CES5A: variants seen among roughly 807,000 people sequenced by gnomAD.
CES5A encodes the protein carboxylesterase 5.
Under a neutral mutation model 62.9 loss-of-function variants are expected in CES5A, and 67 were observed. The observed-to-expected ratio is 1.07, with a 90% CI of 0.88 to 1.31. The LOEUF is 1.31. Ranked by LOEUF, CES5A falls within the 50% of genes most tolerant of loss-of-function variation. The pLI, the probability that CES5A is intolerant of heterozygous loss-of-function variation, is 0.00. For synonymous variants in CES5A, 296 were observed against 280.8 expected (o/e 1.05, Z -0.54); for missense variants, 748 against 708.5 (o/e 1.06, Z -0.63).
intron 5 of CES5A, among the ~76,000 whole-genome samples, chr16:55,863,819 T>G (rs1289314466): frequency 6.6e-6 from 1 of 151,390 alleles, no homozygotes; most frequent in African/African-American, 2.4e-5. Context: ...TGCACTGGCG[T>G]GATCTCACCT....
At chr16:55,866,245 A>T (rs2033458494) in intron 4 of CES5A, 129 bp from the exon 5 acceptor site, 2 of 768,344 alleles carry the variant, frequency 2.6e-6, no homozygotes, top group East Asian at 5.7e-5. Flanking sequence ...GGCCTGGAGG[A>T]GCTGGGGAAA....
At chr16:55,877,454 A>ATG (rs778731498), upstream of CES5A, among the ~76,000 whole-genome samples, 18 of 113,838 alleles carry the variant, frequency 1.6e-4, 1 homozygote, top group South Asian at 9.3e-4. Flanking sequence ...ATATATATGT[A>ATG]TGTGTGTGTG....
At chr16:55,914,075 T>G (rs1411692544) in intron 1 of CES5A, among the ~76,000 whole-genome samples, 2 of 152,216 alleles carry the variant, frequency 1.3e-5, no homozygotes, top group South Asian at 2.1e-4. Flanking sequence ...CAGTTAAATG[T>G]GAATTTCTAG....
intron 1 of CES5A, among the ~76,000 whole-genome samples, chr16:55,889,181 T>G (rs2033847931): frequency 6.6e-6 from 1 of 151,928 alleles, no homozygotes; most frequent in Admixed American, 6.6e-5. Flanking sequence ...TCATACACCA[T>G]TCAACGCAAT....
intron 1 of CES5A, among the ~76,000 whole-genome samples, chr16:55,904,685 GA>G (rs1267968607): frequency 6.6e-6 from 1 of 152,212 alleles, no homozygotes; most frequent in Non-Finnish European, 1.5e-5. Context: ...AACAAGCTCA[GA>G]AAAATTCAGT....
At chr16:55,895,460 G>A (rs776407043) in intron 1 of CES5A, among the ~76,000 whole-genome samples, 8 of 152,190 alleles carry the variant, frequency 5.3e-5, no homozygotes, top group Non-Finnish European at 8.8e-5. Context: ...AGATTATTCC[G>A]GAGCTTTCAG....
upstream of CES5A, among the ~76,000 whole-genome samples, chr16:55,928,411 C>T (rs1290700384): frequency 6.6e-6 from 1 of 152,054 alleles, no homozygotes; most frequent in African/African-American, 2.4e-5. Flanking sequence ...ACACTGGAGA[C>T]TCAGAAGGTG....
intron 1 of CES5A, among the ~76,000 whole-genome samples, chr16:55,884,167 G>A (rs74019317): frequency 0.019 from 2,956 of 152,274 alleles, 100 homozygotes; most frequent in African/African-American, 0.067. Context: ...TTCATTCAGC[G>A]GTTTCAAGAT....
chr16:55,905,677 C>T (rs2034033945), intron 1 of CES5A, among the ~76,000 whole-genome samples: 1 of 152,074 alleles, frequency 6.6e-6, no homozygotes, highest in South Asian at 2.1e-4. Flanking sequence ...TGATTTTTAA[C>T]GTGACTCTTC....
intron 10 of CES5A, among the ~76,000 whole-genome samples, chr16:55,852,264 A>G (rs148549588): frequency 2.5e-3 from 383 of 152,344 alleles, no homozygotes; most frequent in South Asian, 0.023. Flanking sequence ...CATTTCATTT[A>G]TAAATATTTG....
chr16:55,896,258 A>G (rs1482992073), intron 1 of CES5A, among the ~76,000 whole-genome samples: 4 of 152,120 alleles, frequency 2.6e-5, no homozygotes, highest in Non-Finnish European at 4.4e-5. Flanking sequence ...CCTGGGAAAG[A>G]CCTACCCTCA....
At chr16:55,862,803 C>T (rs556201062) in intron 6 of CES5A, among the ~76,000 whole-genome samples, 1 of 152,188 alleles carries the variant, frequency 6.6e-6, no homozygotes, top group South Asian at 2.1e-4. Flanking sequence ...TGATATATAC[C>T]AGGTATTATG....
intron 8 of CES5A, among the ~76,000 whole-genome samples, chr16:55,856,829 G>C (rs2033254010): frequency 6.6e-6 from 1 of 152,236 alleles, no homozygotes; most frequent in South Asian, 2.1e-4. Flanking sequence ...GTGGCTGTTA[G>C]AGTGGGTCCT....
At chr16:55,913,353 C>G (rs1336335632) in intron 1 of CES5A, among the ~76,000 whole-genome samples, 4 of 152,116 alleles carry the variant, frequency 2.6e-5, no homozygotes, top group African/African-American at 9.7e-5. Flanking sequence ...ATCTCAAGCA[C>G]TGGTCTTAGG....
At chr16:55,906,377 C>T (rs532492310) in intron 1 of CES5A, among the ~76,000 whole-genome samples, 2 of 152,320 alleles carry the variant, frequency 1.3e-5, no homozygotes, top group South Asian at 4.1e-4. Context: ...TGTCTGGATT[C>T]TCCCAGTCAG....
chr16:55,949,553 T>C (rs1369226281), intron 2 of CES5A, among the ~76,000 whole-genome samples: 1 of 152,218 alleles, frequency 6.6e-6, no homozygotes, highest in Admixed American at 6.5e-5. Flanking sequence ...TATGTCCATC[T>C]CTTCTCCTGC....
At chr16:55,931,434 C>T (rs2034310781) in intron 2 of CES5A, among the ~76,000 whole-genome samples, 1 of 152,218 alleles carries the variant, frequency 6.6e-6, no homozygotes, top group African/African-American at 2.4e-5. Flanking sequence ...CAATGACAGC[C>T]TACTGATGCA....
intron 2 of CES5A, among the ~76,000 whole-genome samples, chr16:55,946,852 G>A (rs775261042): frequency 4.6e-5 from 7 of 152,166 alleles, no homozygotes; most frequent in Non-Finnish European, 8.8e-5. Context: ...TCAGTTCTTG[G>A]ACCACCAGGT....
At chr16:55,891,778 C>T (rs1461043957) in intron 1 of CES5A, among the ~76,000 whole-genome samples, 1 of 152,154 alleles carries the variant, frequency 6.6e-6, no homozygotes. Context: ...CCTTTCACAC[C>T]CTACAAACCA....
Sources: gnomAD v4.1 joint callset for allele counts (sites outside exome capture counted in the v4.1 genomes callset) on GRCh38, gnomAD v4.1.1 for gene constraint, MANE v1.5 for transcripts, NCBI Gene and HGNC (gene_info 2026-07-23, HGNC 2026-07-21) for gene names.